Variants in DSCAM observed in about 807,000 individuals in gnomAD.
DSCAM encodes DS cell adhesion molecule.
In DSCAM, 47 loss-of-function variants were observed where a neutral mutation model predicts 217.7. The ratio of observed to expected loss-of-function variants is 0.22; its 90% CI spans 0.17 to 0.28. The LOEUF (loss-of-function observed/expected upper bound fraction) is 0.28, where lower values mean the gene tolerates loss of function less well. Ranked by LOEUF, DSCAM falls within the 10% of genes least tolerant of loss-of-function variation. The pLI, the probability that DSCAM is intolerant of heterozygous loss-of-function variation, is 1.00. For synonymous variants in DSCAM, 1,056 were observed against 1,015.3 expected (o/e 1.04, Z -0.76); for missense variants, 2,080 against 2,618.3 (o/e 0.79, Z 4.49).
At chr21:40,014,305 G>A (rs781619203) in intron 32 of DSCAM, among the ~76,000 whole-genome samples, 6 of 152,206 alleles carry the variant, frequency 3.9e-5, no homozygotes, top group Non-Finnish European at 8.8e-5. Flanking sequence ...CAGGAGAATC[G>A]CTTGAACCCG....
intron 12 of DSCAM, 137 bp from the exon 13 acceptor site, chr21:40,188,124 A>G: frequency 1.6e-6 from 1 of 611,786 alleles, no homozygotes; most frequent in African/African-American, 1.9e-5. Flanking sequence ...ACACACACAC[A>G]CACTCACAAA....
At chr21:40,119,070 T>C (rs1479398906) in intron 20 of DSCAM, among the ~76,000 whole-genome samples, 1 of 152,142 alleles carries the variant, frequency 6.6e-6, no homozygotes, top group Non-Finnish European at 1.5e-5. Context: ...TAGCATGGCA[T>C]GTACTACCAC....
At chr21:40,040,268 A>G (rs769977692) in intron 32 of DSCAM, among the ~76,000 whole-genome samples, 1 of 152,220 alleles carries the variant, frequency 6.6e-6, no homozygotes, top group Non-Finnish European at 1.5e-5. Context: ...TATGAAGACA[A>G]TAGTAACTTA....
chr21:40,266,500 G>C (rs1354020118), intron 11 of DSCAM, among the ~76,000 whole-genome samples: 2 of 151,424 alleles, frequency 1.3e-5, no homozygotes, highest in African/African-American at 4.9e-5. Flanking sequence ...GCACTACTGG[G>C]TATCTATCCA....
At chr21:40,213,754 T>A (rs2091210717) in intron 11 of DSCAM, among the ~76,000 whole-genome samples, 1 of 152,064 alleles carries the variant, frequency 6.6e-6, no homozygotes, top group Non-Finnish European at 1.5e-5. Context: ...CAAGGAGGAA[T>A]CCTTGAGGCA....
intron 3 of DSCAM, among the ~76,000 whole-genome samples, chr21:40,434,271 G>T (rs1045910527): frequency 2.0e-5 from 3 of 152,226 alleles, no homozygotes; most frequent in Admixed American, 1.3e-4. Context: ...GAGCAGGTGT[G>T]AACACACAAC....
At chr21:40,251,447 G>A (rs188704645) in intron 11 of DSCAM, among the ~76,000 whole-genome samples, 17 of 152,032 alleles carry the variant, frequency 1.1e-4, no homozygotes, top group Admixed American at 3.3e-4. Flanking sequence ...TTCCTTCTAC[G>A]TAGATCAGAC....
At chr21:40,240,349 G>GTGTTT (rs2073133594) in intron 11 of DSCAM, among the ~76,000 whole-genome samples, 1 of 57,722 alleles carries the variant, frequency 1.7e-5, no homozygotes, top group Non-Finnish European at 3.1e-5. Context: ...TTCCTCACTG[G>GTGTTT]TTTTTTTTTT....
intron 3 of DSCAM, among the ~76,000 whole-genome samples, chr21:40,431,584 G>A (rs1433470488): frequency 2.0e-5 from 3 of 152,150 alleles, no homozygotes; most frequent in South Asian, 2.1e-4. Context: ...CTAATGAATA[G>A]TAAGCATATT....
intron 3 of DSCAM, among the ~76,000 whole-genome samples, chr21:40,679,824 G>A (rs1242190235): frequency 6.6e-6 from 1 of 152,074 alleles, no homozygotes; most frequent in Non-Finnish European, 1.5e-5. Flanking sequence ...TGAAATTGAA[G>A]GATTTTGGAT....
At chr21:40,644,671 G>A (rs962265242) in intron 3 of DSCAM, among the ~76,000 whole-genome samples, 5 of 152,106 alleles carry the variant, frequency 3.3e-5, no homozygotes, top group African/African-American at 9.7e-5. Context: ...CATTGCATTC[G>A]GGGCTCTTGA....
At chr21:40,082,839 T>C (rs2089482394) in intron 24 of DSCAM, among the ~76,000 whole-genome samples, 1 of 152,182 alleles carries the variant, frequency 6.6e-6, no homozygotes, top group Admixed American at 6.5e-5. Flanking sequence ...TTAGGGTGGC[T>C]GTGGCCACTG....
intron 16 of DSCAM, among the ~76,000 whole-genome samples, chr21:40,153,239 C>T (rs1435021565): frequency 1.3e-5 from 2 of 152,192 alleles, no homozygotes; most frequent in Non-Finnish European, 2.9e-5. Flanking sequence ...ATCTGTTCTA[C>T]ACAAGGCATG....
At chr21:40,020,125 C>T (rs1468231749) in intron 32 of DSCAM, among the ~76,000 whole-genome samples, 1 of 152,166 alleles carries the variant, frequency 6.6e-6, no homozygotes, top group African/African-American at 2.4e-5. Flanking sequence ...TGGTTTCCCC[C>T]ATACTGTTCT....
chr21:40,130,750 C>T (rs1194849318), intron 19 of DSCAM, among the ~76,000 whole-genome samples: 1 of 152,192 alleles, frequency 6.6e-6, no homozygotes, highest in Non-Finnish European at 1.5e-5. Context: ...GAGAAACTAC[C>T]TGTAGAGAAC....
intron 1 of DSCAM, among the ~76,000 whole-genome samples, chr21:40,831,156 G>T (rs1404521368): frequency 6.6e-6 from 1 of 152,214 alleles, no homozygotes; most frequent in South Asian, 2.1e-4. Context: ...GAGAGAACTG[G>T]TCTATTTTCA....
At chr21:40,086,119 T>C (rs1317567789) in intron 22 of DSCAM, among the ~76,000 whole-genome samples, 8 of 152,208 alleles carry the variant, frequency 5.3e-5, no homozygotes, top group African/African-American at 9.7e-5. Context: ...ATTTCTTCTG[T>C]AGGCAGAAGT....
intron 3 of DSCAM, among the ~76,000 whole-genome samples, chr21:40,517,389 T>C (rs1228612504): frequency 7.7e-6 from 1 of 129,936 alleles, no homozygotes; most frequent in Non-Finnish European, 1.6e-5. Flanking sequence ...CACACATCTA[T>C]ACACACACAC....
At chr21:40,797,673 C>T (rs1464627789) in intron 1 of DSCAM, among the ~76,000 whole-genome samples, 6 of 151,844 alleles carry the variant, frequency 4.0e-5, no homozygotes, top group Non-Finnish European at 5.9e-5. Flanking sequence ...CGGAGTGCAG[C>T]CCTATAAACA....
Sources: gnomAD v4.1 joint callset for allele counts (sites outside exome capture counted in the v4.1 genomes callset) on GRCh38, gnomAD v4.1.1 for gene constraint, MANE v1.5 for transcripts, NCBI Gene and HGNC (gene_info 2026-07-23, HGNC 2026-07-21) for gene names.